CCDC73: variants seen among roughly 807,000 people sequenced by gnomAD.
The protein encoded by CCDC73 is coiled-coil domain containing 73.
In CCDC73, 95 loss-of-function variants were observed where a neutral mutation model predicts 116.5. The observed-to-expected ratio is 0.82, with a 90% CI of 0.69 to 0.97. The LOEUF (loss-of-function observed/expected upper bound fraction) is 0.97, where lower values mean the gene tolerates loss of function less well. CCDC73 is among the 50% of genes least tolerant of loss of function. CCDC73 has a pLI of 0.00. For missense variants in CCDC73, 1,066 were observed against 1,206.8 expected, an observed-to-expected ratio of 0.88 and a Z score of 1.73; for synonymous variants, 398 against 401.3, an observed-to-expected ratio of 0.99 and a Z score of 0.10.
At chr11:32,604,699 C>T (rs1421679208) in intron 17 of CCDC73, 2 of 152,202 alleles carry the variant, frequency 1.3e-5, no homozygotes, top group Admixed American at 1.3e-4. Flanking sequence ...AAAATGGTCA[C>T]TGTTAACTAG....
At chr11:32,824,475 A>T in the CCDC73 span, among the ~76,000 whole-genome samples, 8 of 152,224 alleles carry the variant, frequency 5.3e-5, no homozygotes, top group Non-Finnish European at 8.8e-5. Flanking sequence ...CCAAACTCAC[A>T]ATGTCTCAGA....
intron 17 of CCDC73, among the ~76,000 whole-genome samples, chr11:32,608,415 T>C (rs1328080459): frequency 1.3e-5 from 2 of 151,748 alleles, no homozygotes; most frequent in African/African-American, 4.8e-5. Flanking sequence ...CCTGTGAAAG[T>C]CCAAAATCCA....
the CCDC73 span, among the ~76,000 whole-genome samples, chr11:32,807,251 A>T: frequency 6.6e-6 from 1 of 152,174 alleles, no homozygotes; most frequent in African/African-American, 2.4e-5. Flanking sequence ...TTATGAAAAC[A>T]ATTTGCTGTT....
intron 2 of CCDC73, among the ~76,000 whole-genome samples, chr11:32,724,375 T>C (rs988253907): frequency 3.9e-5 from 6 of 152,174 alleles, no homozygotes; most frequent in Non-Finnish European, 7.4e-5. Context: ...TACGTGATAG[T>C]ATAGTTATTA....
intron 2 of CCDC73, among the ~76,000 whole-genome samples, chr11:32,732,083 G>A (rs1171753055): frequency 1.3e-5 from 2 of 152,192 alleles, no homozygotes; most frequent in Middle Eastern, 3.2e-3. Flanking sequence ...ATGACCTGAT[G>A]GAGCAGAAAA....
chr11:32,667,976 C>T (rs1304172173), intron 9 of CCDC73, among the ~76,000 whole-genome samples: 1 of 152,174 alleles, frequency 6.6e-6, no homozygotes, highest in Admixed American at 6.5e-5. Flanking sequence ...GCTCTCTTTT[C>T]CTTGTTGTAT....
chr11:32,614,375 C>T lies in CCDC73; in HGVS notation c.1943G>A (p.Arg648Gln), dbSNP rs746779328. ...NPVPCQKYSLRNSSNVMLDDK... is the reference protein window; with the variant it reads ...NPVPCQKYSLQNSSNVMLDDK... The stretch of plus-strand genomic sequence containing the variant: ...ATCTAACATAACATTACTTGAATTC[C>T]GTAAACTATATTTCTGACATGGAAC... The change falls in exon 16 of 18, where the codon CGG becomes CAG. Residue 648 changes from arginine (R) to glutamine (Q), a missense_variant. By Grantham distance (43) the Arg-to-Gln change is conservative. Transcript: ENST00000335185. The T allele has an allele frequency of 4.0e-5, 65 of 1,612,346 alleles. No homozygotes were observed. Among genetic ancestry groups the T allele is most frequent in the Non-Finnish European group, 5.3e-5 (63 of 1,179,024 alleles).
At chr11:32,767,451 A>G (rs1319911525) in intron 1 of CCDC73, among the ~76,000 whole-genome samples, 2 of 152,228 alleles carry the variant, frequency 1.3e-5, no homozygotes, top group African/African-American at 2.4e-5. Context: ...CAATGGCAAC[A>G]AAAGCCAACA....
chr11:32,705,602 C>T (rs569028242), intron 3 of CCDC73, among the ~76,000 whole-genome samples: 1 of 152,136 alleles, frequency 6.6e-6, no homozygotes, highest in African/African-American at 2.4e-5. Context: ...TATCGCAAGC[C>T]GAGTGCAGCC....
intron 14 of CCDC73, among the ~76,000 whole-genome samples, chr11:32,617,289 C>CA (rs930295669): frequency 6.6e-6 from 1 of 151,310 alleles, no homozygotes; most frequent in Non-Finnish European, 1.5e-5. Flanking sequence ...GGCTACAGTA[C>CA]AAAAAAAATG....
At chr11:32,698,010 A>ATTTTTTTTTTT in intron 6 of CCDC73, among the ~76,000 whole-genome samples, 1 of 117,758 alleles carries the variant, frequency 8.5e-6, no homozygotes, top group Non-Finnish European at 1.7e-5. Context: ...TCTAACACTG[A>ATTTTTTTTTTT]ATTTTTTTTT....
chr11:32,658,503 T>C (rs567144344), intron 9 of CCDC73, among the ~76,000 whole-genome samples: 2 of 152,282 alleles, frequency 1.3e-5, no homozygotes, highest in South Asian at 4.1e-4. Context: ...ATGGACCAGA[T>C]CATGAAAGCT....
chr11:32,745,070 C>T (rs548673856), intron 2 of CCDC73, among the ~76,000 whole-genome samples: 2 of 152,274 alleles, frequency 1.3e-5, no homozygotes, highest in South Asian at 2.1e-4. Context: ...CTATCCACTG[C>T]TTTAAATGTG....
At chr11:32,744,378 T>C (rs1327709297) in intron 2 of CCDC73, among the ~76,000 whole-genome samples, 2 of 152,198 alleles carry the variant, frequency 1.3e-5, no homozygotes, top group Non-Finnish European at 2.9e-5. Flanking sequence ...TCTCTTTTTA[T>C]TGTGTCTCTG....
chr11:32,683,389 A>G lies in CCDC73; in HGVS notation c.429+147T>C, dbSNP rs373311852. 8 of 654,286 alleles carry G rather than the reference A, an allele frequency of 1.2e-5. No homozygotes were observed. In the South Asian group the frequency reaches 1.3e-4, roughly 10 times the overall value. The allele number at this position is 654,286 out of a possible 1,614,324, so 40.5% of individuals were successfully genotyped here. A position where few individuals can be genotyped will look rare whatever the true frequency, so the allele number is the denominator to read the frequency against. The stretch of plus-strand genomic sequence containing the variant: ...ATTTATGCAACATGTGAAATTGCAA[A>G]TATCCCCTTTCATATTACTGGAGAC... On this transcript the variant is annotated intron_variant, in intron 7 of 17. Transcript: ENST00000335185.
Position 32,613,086 on chromosome 11 carries a change from G to A in CCDC73, c.2896+336C>T, listed in dbSNP as rs572103281. Among the ~76,000 whole-genome samples, 3 of 152,150 alleles carry A rather than the reference G, an allele frequency of 2.0e-5. 1 individual carries two copies. The East Asian group carries it at 5.8e-4, about 29-fold the overall frequency. The stretch of plus-strand genomic sequence containing the variant: ...GAGCCGGATTTCTGGTGTGGGTGAA[G>A]GGACAGATAAAAATAGAAAAATTAA... On this transcript the variant is annotated intron_variant, in intron 16 of 17. Transcript: ENST00000335185.
chr11:32,700,256 G>A (rs1849800612), intron 5 of CCDC73, among the ~76,000 whole-genome samples: 1 of 151,994 alleles, frequency 6.6e-6, no homozygotes, highest in African/African-American at 2.4e-5. Context: ...TATTATTAAT[G>A]GTATGTTCAT....
In CCDC73 at chr11:32,614,497, A is replaced by T. The variant is rs2133221341; in HGVS notation, c.1821T>A (p.Leu607=). 1.2e-6 allele frequency: 2 copies of T among 1,613,446 alleles called. No individual in the cohort carries two copies. The highest frequency in any genetic ancestry group is 2.7e-5 in the African/African-American group (2 of 75,022). ...ENEPFKQFRL[L]PGTREHALEK... is the part of the protein sequence containing the mutation. Reference sequence around the variant, plus strand: ...CTAGAGCATGTTCTCGAGTCCCTGGAAGCAATCTGAATTGTTTGAATGGCT... The same window carrying T: ...CTAGAGCATGTTCTCGAGTCCCTGGTAGCAATCTGAATTGTTTGAATGGCT... The change falls in exon 16 of 18, where the codon CTT becomes CTA. Residue 607 remains leucine, a synonymous_variant. Coordinates refer to ENST00000335185, the MANE Select transcript of CCDC73 (RefSeq NM_001008391.4).
At chr11:32,789,361 C>A (rs985430188) in intron 1 of CCDC73, among the ~76,000 whole-genome samples, 2 of 152,012 alleles carry the variant, frequency 1.3e-5, no homozygotes, top group Admixed American at 6.6e-5. Context: ...GAAGAAGAAA[C>A]CTAAATCCAA....
Sources: gnomAD v4.1 joint callset for allele counts (sites outside exome capture counted in the v4.1 genomes callset) on GRCh38, gnomAD v4.1.1 for gene constraint, MANE v1.5 for transcripts, NCBI Gene and HGNC (gene_info 2026-07-23, HGNC 2026-07-21) for gene names.